The following PKP1 variants were observed in gnomAD, a reference collection of about 807,000 sequenced individuals.
PKP1 encodes the protein plakophilin-1.
PKP1 carries 27 observed loss-of-function variants against 76.4 expected under a neutral mutation model. The ratio of observed to expected loss-of-function variants is 0.35; its 90% CI spans 0.26 to 0.49. The LOEUF (loss-of-function observed/expected upper bound fraction) is 0.49, where lower values mean the gene tolerates loss of function less well. Ranked by LOEUF, PKP1 falls within the 20% of genes least tolerant of loss-of-function variation. The probability of loss-of-function intolerance (pLI) is 0.99; values close to 1 mark genes in which losing one functional copy is unlikely to be tolerated. For synonymous variants in PKP1, 404 were observed against 384.2 expected, an observed-to-expected ratio of 1.05 and a Z score of -0.60; for missense variants, 964 against 955.2, an observed-to-expected ratio of 1.01 and a Z score of -0.12.
chr1:201,303,027 A>T (rs1656281683), intron 2 of PKP1, among the ~76,000 whole-genome samples: 1 of 152,218 alleles, frequency 6.6e-6, no homozygotes, highest in Non-Finnish European at 1.5e-5. Context: ...TCCTGGTCAC[A>T]CTGGCACATC....
chr1:201,305,070 G>C (rs907056235), intron 2 of PKP1, among the ~76,000 whole-genome samples: 1 of 152,228 alleles, frequency 6.6e-6, no homozygotes, highest in African/African-American at 2.4e-5. Context: ...TTTGGGCATG[G>C]GATGTGTGTC....
chr1:201,316,717 C>T lies in PKP1; in HGVS notation c.846+20C>T, dbSNP rs1248662580. The T allele has an allele frequency of 6.2e-7, 1 of 1,613,134 alleles. No individual in the cohort carries two copies. The highest frequency in any genetic ancestry group is 2.2e-5 in the East Asian group (1 of 44,880). ...CAACAGGTAGCTGGTTGCATACCTT[C>T]CTCCTTGGTGGGCCTGCGGAGGGCC... On this transcript the variant is annotated intron_variant, in intron 4 of 13. Transcript: ENST00000367324.
intron 11 of PKP1, 116 bp downstream of exon 11, chr1:201,325,243 G>A (rs1190511005): frequency 1.9e-6 from 2 of 1,079,300 alleles, no homozygotes; most frequent in East Asian, 2.4e-5. Context: ...AAGGGCAGGG[G>A]GAGCCAGGGA....
In PKP1 at chr1:201,317,588, G is replaced by T; in HGVS notation, c.863G>T (p.Gly288Val). ...TCCTGGCAGGTCTATCAGCTGGGAG[G>T]CATCTGCAAGCTGGTGGACCTCCTC... Reference protein sequence around the residue: ...SAKQQVYQLGGICKLVDLLRS... With the variant: ...SAKQQVYQLGVICKLVDLLRS... Residue 288 changes from glycine (G) to valine (V), a missense_variant, in exon 5 of 14, where the codon GGC becomes GTC. Physicochemically the swap from Gly to Val is moderately radical, Grantham distance 109. Coordinates refer to ENST00000367324, the MANE Select transcript of PKP1 (RefSeq NM_001005337.3). The T allele has an allele frequency of 3.1e-6, 5 of 1,613,910 alleles. No individual in the cohort carries two copies. The highest frequency in any genetic ancestry group is 4.2e-6 in the Non-Finnish European group (5 of 1,179,938).
rs1294838501 is a variant in PKP1 at position 201,325,746 on chromosome 1, C to T, written c.2022-8C>T. The T allele has an allele frequency of 1.9e-6, 3 of 1,610,340 alleles. No homozygotes were observed. The highest frequency in any genetic ancestry group is 1.7e-6 in the Non-Finnish European group (2 of 1,176,594). On this transcript the variant is annotated splice_region_variant and splice_polypyrimidine_tract_variant and intron_variant, in intron 11 of 13. Coordinates refer to ENST00000367324, the MANE Select transcript of PKP1 (RefSeq NM_001005337.3). ...CTCATCTCACAAATGCACTTCTCAC[C>T]TGCCCAGTGCCTCACCCAAGGCCGC...
chr1:201,310,828 G>A (rs949452937), intron 2 of PKP1, among the ~76,000 whole-genome samples: 8 of 152,176 alleles, frequency 5.3e-5, no homozygotes, highest in East Asian at 1.9e-4. Context: ...GCAGTCCCAC[G>A]GGGATGTCTC....
At chr1:201,296,358 C>T (rs1470492698) in intron 2 of PKP1, among the ~76,000 whole-genome samples, 4 of 152,136 alleles carry the variant, frequency 2.6e-5, no homozygotes, top group Non-Finnish European at 4.4e-5. Flanking sequence ...ATCCTATGTC[C>T]GTGGGATTTT....
At chr1:201,319,819 G>C in intron 6 of PKP1, 9 of 1,613,958 alleles carry the variant, frequency 5.6e-6, no homozygotes, top group Non-Finnish European at 7.6e-6. Context: ...CCCACAGAAA[G>C]AGACTGGGCA....
chr1:201,326,609 G>A (rs1722742), intron 12 of PKP1, among the ~76,000 whole-genome samples: 26,327 of 152,280 alleles, frequency 0.17, 2,534 homozygotes, highest in East Asian at 0.23. Flanking sequence ...GATGAGGAGA[G>A]CCTGAGAAGG....
intron 1 of PKP1, among the ~76,000 whole-genome samples, chr1:201,285,914 C>G (rs1558181058): frequency 6.6e-6 from 1 of 152,236 alleles, no homozygotes; most frequent in Non-Finnish European, 1.5e-5. Context: ...CCAGAAACTC[C>G]AAGGTCTAGC....
chr1:201,283,598 G>GCTGAGA lies in PKP1; in HGVS notation c.-104_-99dup. On this transcript the variant is annotated 5_prime_UTR_variant, in exon 1 of 14. Transcript: ENST00000367324. ...ACGCACTCTATGGCCGTAGGGAGCC[G>GCTGAGA]CTGAGAGCGAGAAGAGCACGCTCCT... The GCTGAGA allele has an allele frequency of 3.0e-6, 3 of 1,007,134 alleles. No individual in the cohort carries two copies. Among genetic ancestry groups the GCTGAGA allele is most frequent in the Non-Finnish European group, 4.6e-6 (3 of 659,000 alleles). The allele number at this position is 1,007,134 out of a possible 1,614,324, so 62.4% of individuals were successfully genotyped here. A position where few individuals can be genotyped will look rare whatever the true frequency, so the allele number is the denominator to read the frequency against.
chr1:201,303,602 AT>A (rs1232195307), intron 2 of PKP1, among the ~76,000 whole-genome samples: 3 of 152,044 alleles, frequency 2.0e-5, no homozygotes, highest in African/African-American at 4.8e-5. Flanking sequence ...GAAAAGTTTT[AT>A]TTTTTTGTTT....
chr1:201,311,519 C>T (rs1656551380), intron 2 of PKP1, among the ~76,000 whole-genome samples: 1 of 152,196 alleles, frequency 6.6e-6, no homozygotes, highest in African/African-American at 2.4e-5. Context: ...GGTGGTTTGA[C>T]ACCCAGTCTT....
chr1:201,328,263 G>A, intron 12 of PKP1: 1 of 237,744 alleles, frequency 4.2e-6, no homozygotes, highest in Non-Finnish European at 8.3e-6. Flanking sequence ...GGGGCTGGAG[G>A]TGAAGAACAG....
At chr1:201,320,228 C>T (rs768877737) in intron 6 of PKP1, 39 bp from the exon 7 acceptor site, 3 of 1,322,902 alleles carry the variant, frequency 2.3e-6, no homozygotes, top group South Asian at 2.4e-5. Flanking sequence ...TCTCTCTTCC[C>T]CCTTTCTCTG....
chr1:201,322,051 G>A lies in PKP1; in HGVS notation c.1421G>A (p.Arg474His), dbSNP rs769288054. ...GACGCCGAGGTGCCCACCCGCTACCGCCAGCTGGAGTATAACGCCCGCAAC... is the reference window on the plus strand; with the variant it reads ...GACGCCGAGGTGCCCACCCGCTACCACCAGCTGGAGTATAACGCCCGCAAC... The part of the protein sequence containing the change: ...RLDAEVPTRY[R>H]QLEYNARNAY... Residue 474 changes from arginine (R) to histidine (H), a missense_variant, in exon 8 of 14, where the codon CGC becomes CAC. Physicochemically the swap from Arg to His is conservative, Grantham distance 29. Transcript: ENST00000367324. The A allele has an allele frequency of 1.7e-5, 27 of 1,613,614 alleles. No individual in the cohort carries two copies. The highest frequency in any genetic ancestry group is 6.7e-5 in the East Asian group (3 of 44,888).
At chr1:201,324,335 G>C in intron 9 of PKP1, 93 bp from the exon 10 acceptor site, 1 of 1,320,304 alleles carries the variant, frequency 7.6e-7, no homozygotes, top group Admixed American at 1.7e-5. Flanking sequence ...AAGGGTTCTG[G>C]GATGTCTGCC....
intron 13 of PKP1, 118 bp downstream of exon 13, chr1:201,328,986 C>T: frequency 4.0e-6 from 3 of 746,080 alleles, no homozygotes; most frequent in Non-Finnish European, 7.3e-6. Context: ...TTTTGCCTGG[C>T]TCTGGACAAC....
intron 4 of PKP1, 91 bp from the exon 5 acceptor site, chr1:201,317,481 G>C (rs1656787555): frequency 1.0e-6 from 1 of 955,616 alleles, no homozygotes; most frequent in Non-Finnish European, 1.6e-6. Flanking sequence ...TAGATTTTTT[G>C]GTCTGAAAAA....
Sources: gnomAD v4.1 joint callset for allele counts (sites outside exome capture counted in the v4.1 genomes callset) on GRCh38, gnomAD v4.1.1 for gene constraint, MANE v1.5 for transcripts, NCBI Gene and HGNC (gene_info 2026-07-23, HGNC 2026-07-21) for gene names.